SPOCK1: variants seen among roughly 807,000 people sequenced by gnomAD.
SPOCK1 encodes the protein testican-1.
Under a neutral mutation model 55.3 loss-of-function variants are expected in SPOCK1, and 23 were observed. The observed-to-expected ratio is 0.42, with a 90% CI of 0.30 to 0.59. The LOEUF is 0.59. SPOCK1 is among the 20% of genes least tolerant of loss of function. The pLI, the probability that SPOCK1 is intolerant of heterozygous loss-of-function variation, is 0.22. For missense variants in SPOCK1, 499 were observed against 552.5 expected, an observed-to-expected ratio of 0.90 and a Z score of 0.97; for synonymous variants, 226 against 221.0, an observed-to-expected ratio of 1.02 and a Z score of -0.20.
At chr5:137,252,452 T>G (rs1228541930) in intron 3 of SPOCK1, among the ~76,000 whole-genome samples, 1 of 152,178 alleles carries the variant, frequency 6.6e-6, no homozygotes, top group Non-Finnish European at 1.5e-5. Flanking sequence ...ATGCAAAAGT[T>G]CCTAGAATAT....
At chr5:137,121,738 T>C (rs1402029023) in intron 4 of SPOCK1, among the ~76,000 whole-genome samples, 1 of 146,662 alleles carries the variant, frequency 6.8e-6, no homozygotes, top group Non-Finnish European at 1.5e-5. Context: ...CTGGACATCA[T>C]ATAAGTGTGT....
intron 3 of SPOCK1, among the ~76,000 whole-genome samples, chr5:137,161,866 C>T (rs973339193): frequency 7.2e-5 from 11 of 152,144 alleles, no homozygotes; most frequent in Admixed American, 5.9e-4. Context: ...ATTTCCATTA[C>T]GTAAGAATAA....
chr5:137,019,504 A>G (rs937108787), intron 6 of SPOCK1, among the ~76,000 whole-genome samples: 5 of 151,732 alleles, frequency 3.3e-5, no homozygotes, highest in African/African-American at 1.2e-4. Context: ...ATAGCTAACC[A>G]CTCCCCTATT....
chr5:137,355,137 G>T (rs770986389), intron 2 of SPOCK1, among the ~76,000 whole-genome samples: 1 of 151,838 alleles, frequency 6.6e-6, no homozygotes, highest in Non-Finnish European at 1.5e-5. Context: ...TCCTAAACTC[G>T]CAATCCACCC....
At chr5:137,356,449 G>C (rs1750801968) in intron 2 of SPOCK1, among the ~76,000 whole-genome samples, 1 of 151,942 alleles carries the variant, frequency 6.6e-6, no homozygotes, top group Non-Finnish European at 1.5e-5. Flanking sequence ...TTTTGTTGCT[G>C]TTGTCATTTT....
At chr5:137,088,569 A>G (rs1753001285) in intron 5 of SPOCK1, among the ~76,000 whole-genome samples, 1 of 152,108 alleles carries the variant, frequency 6.6e-6, no homozygotes, top group African/African-American at 2.4e-5. Context: ...CCCTCGTCTC[A>G]CCCACCTTCA....
In SPOCK1 at chr5:137,142,343, C is replaced by CT. The variant is rs567532618; in HGVS notation, c.233-1650dup. ...CCTGCCCAGGCCCAGAATCTGCACA[C>CT]TACTTTCTTCAAATGCCTGCTGCGA... is the stretch of plus-strand genomic sequence containing the variant. On this transcript the variant is annotated intron_variant, in intron 3 of 10. Transcript: ENST00000394945. Among the ~76,000 whole-genome samples the CT allele has an allele frequency of 2.7e-3, 412 of 152,310 alleles. 2 individuals carry two copies. The highest frequency in any genetic ancestry group is 9.2e-3 in the African/African-American group (382 of 41,568).
intron 2 of SPOCK1, among the ~76,000 whole-genome samples, chr5:137,484,604 G>C (rs906708481): frequency 6.6e-6 from 1 of 152,222 alleles, no homozygotes; most frequent in African/African-American, 2.4e-5. Context: ...ACAGTTCCAA[G>C]GGTAGAATCA....
chr5:137,446,640 G>A (rs1012137489), intron 2 of SPOCK1, among the ~76,000 whole-genome samples: 8 of 152,220 alleles, frequency 5.3e-5, no homozygotes, highest in South Asian at 4.1e-4. Flanking sequence ...CTAGAAACGC[G>A]ATGATTCTTT....
chr5:137,375,267 T>C (rs561410040), intron 2 of SPOCK1, among the ~76,000 whole-genome samples: 2 of 151,896 alleles, frequency 1.3e-5, no homozygotes, highest in Non-Finnish European at 2.9e-5. Flanking sequence ...CAACGACTTC[T>C]AGACACAACA....
intron 3 of SPOCK1, among the ~76,000 whole-genome samples, chr5:137,221,295 T>C (rs548796600): frequency 3.9e-5 from 6 of 152,304 alleles, no homozygotes; most frequent in African/African-American, 1.4e-4. Flanking sequence ...CTTCATGTTA[T>C]AAAAGTCCAG....
intron 6 of SPOCK1, among the ~76,000 whole-genome samples, chr5:137,002,446 C>G (rs1751170101): frequency 6.6e-6 from 1 of 150,492 alleles, no homozygotes; most frequent in Non-Finnish European, 1.5e-5. Flanking sequence ...TTTAAAGCTT[C>G]TGATAAAATC....
intron 6 of SPOCK1, among the ~76,000 whole-genome samples, chr5:137,065,454 G>A (rs190868823): frequency 7.9e-5 from 12 of 152,184 alleles, no homozygotes; most frequent in Non-Finnish European, 1.5e-4. Flanking sequence ...GGAAAGAATC[G>A]TACCAAGTTT....
In SPOCK1 at chr5:137,499,213, G is replaced by T. The variant is rs1425651126; in HGVS notation, c.-35C>A. The T allele has an allele frequency of 4.3e-5, 6 of 139,534 alleles. No homozygotes were observed. In the East Asian group the frequency reaches 1.3e-3, roughly 31 times the overall value. 8.6% of individuals were successfully genotyped at this position (139,534 alleles called of 1,614,324 possible). On this transcript the variant is annotated 5_prime_UTR_variant, in exon 1 of 11. Coordinates refer to ENST00000394945, the MANE Select transcript of SPOCK1 (RefSeq NM_004598.4). ...CGGCCCGGGTCCCCTAGTCCGAGTT[G>T]CTCGAGCTCCCGCGGCACGGTCGCC...
At chr5:137,359,375 AAT>A (rs756743607) in intron 2 of SPOCK1, among the ~76,000 whole-genome samples, 1 of 152,202 alleles carries the variant, frequency 6.6e-6, no homozygotes, top group Non-Finnish European at 1.5e-5. Flanking sequence ...TAAACACCAA[AAT>A]ATGTTTGATC....
At chr5:137,013,078 AG>A (rs1411351069) in intron 6 of SPOCK1, among the ~76,000 whole-genome samples, 3 of 152,150 alleles carry the variant, frequency 2.0e-5, no homozygotes, top group African/African-American at 7.2e-5. Flanking sequence ...ACAGAGAGAG[AG>A]ACAGGGGAAG....
intron 5 of SPOCK1, among the ~76,000 whole-genome samples, chr5:137,092,782 T>C (rs956126361): frequency 6.6e-6 from 1 of 152,222 alleles, no homozygotes; most frequent in Non-Finnish European, 1.5e-5. Flanking sequence ...CATCAGTGTT[T>C]GGGCAACTGT....
chr5:137,129,854 C>T (rs887901314), intron 4 of SPOCK1, among the ~76,000 whole-genome samples: 3 of 152,190 alleles, frequency 2.0e-5, no homozygotes, highest in African/African-American at 4.8e-5. Flanking sequence ...TGTTTAGCTA[C>T]ACCTACATTT....
chr5:137,359,526 C>G (rs1211435474), intron 2 of SPOCK1, among the ~76,000 whole-genome samples: 3 of 152,226 alleles, frequency 2.0e-5, no homozygotes, highest in African/African-American at 7.2e-5. Flanking sequence ...TAGGTTAGCA[C>G]ATGTGCTCTC....
Sources: allele counts gnomAD v4.1 joint callset (sites outside exome capture counted in the v4.1 genomes callset), GRCh38; gene constraint gnomAD v4.1.1; transcripts MANE v1.5; gene names NCBI Gene and HGNC (gene_info 2026-07-23, HGNC 2026-07-21).